GABRB3: variants seen among roughly 807,000 people sequenced by gnomAD.
The protein encoded by GABRB3 is gamma-aminobutyric acid receptor subunit beta-3.
In GABRB3, 14 loss-of-function variants were observed where a neutral mutation model predicts 52.1. That is an observed-to-expected ratio of 0.27 (90% CI 0.18 to 0.42). The LOEUF (loss-of-function observed/expected upper bound fraction) is 0.42. Ranked by LOEUF, GABRB3 falls within the 10% of genes least tolerant of loss-of-function variation. GABRB3 has a pLI of 1.00. For missense variants in GABRB3, 307 were observed against 609.1 expected, an observed-to-expected ratio of 0.50 and a Z score of 5.22; for synonymous variants, 260 against 232.3, an observed-to-expected ratio of 1.12 and a Z score of -1.08.
intron 3 of GABRB3, among the ~76,000 whole-genome samples, chr15:26,741,784 T>A (rs978463689): frequency 2.6e-5 from 4 of 152,120 alleles, no homozygotes; most frequent in African/African-American, 4.8e-5. Flanking sequence ...ATCTTTTTAA[T>A]TTTTTGTAGA....
rs59909240 is a variant in GABRB3 at position 26,560,676 on chromosome 15, G to T, written c.1080+256C>A. On this transcript the variant is annotated intron_variant, in intron 8 of 8. Coordinates refer to ENST00000311550, the MANE Select transcript of GABRB3 (RefSeq NM_000814.6). ...TGGCCAATCCAACAGTCCTCTTTGT[G>T]TAAGCCTACAACCACTGGTTTCAGT... 0.019 allele frequency among the ~76,000 whole-genome samples: 2,817 copies of T among 152,256 alleles called. 112 individuals are homozygous for T. Among genetic ancestry groups the T allele is most frequent in the African/African-American group, 0.064 (2,640 of 41,534 alleles).
intron 4 of GABRB3, among the ~76,000 whole-genome samples, chr15:26,587,816 C>T (rs1566761001): frequency 6.6e-6 from 1 of 152,200 alleles, no homozygotes; most frequent in Admixed American, 6.5e-5. Context: ...TATATTTTCC[C>T]TAATAAATAT....
At chr15:26,630,771 A>G (rs1892890365) in intron 3 of GABRB3, among the ~76,000 whole-genome samples, 1 of 152,208 alleles carries the variant, frequency 6.6e-6, no homozygotes, top group Non-Finnish European at 1.5e-5. Flanking sequence ...AATCTCTCTC[A>G]GTATTGGTGT....
rs370575465 is a variant in GABRB3, at chr15:26,628,198, C to G, written c.241-6664G>C. Among the ~76,000 whole-genome samples, 58 of 152,316 alleles carry G rather than the reference C, an allele frequency of 3.8e-4. No homozygotes were observed. In the South Asian group the frequency reaches 4.6e-3, roughly 12 times the overall value. On this transcript the variant is annotated intron_variant, in intron 3 of 8. Transcript: ENST00000311550. ...CATAACTTTTATATATCTTGGGAAA[C>G]CAAAAAATTTGTGACTCACTTCATG...
intron 3 of GABRB3, among the ~76,000 whole-genome samples, chr15:26,742,517 C>A (rs1461259355): frequency 6.6e-6 from 1 of 152,190 alleles, no homozygotes; most frequent in African/African-American, 2.4e-5. Context: ...TCATACGTGG[C>A]ATGAGATAGA....
chr15:26,559,218 T>C (rs781081850), intron 8 of GABRB3, among the ~76,000 whole-genome samples: 8 of 152,212 alleles, frequency 5.3e-5, no homozygotes, highest in Non-Finnish European at 1.0e-4. Flanking sequence ...TGATAGTCAG[T>C]GACTTCTCAT....
intron 3 of GABRB3, among the ~76,000 whole-genome samples, chr15:26,685,871 C>G (rs148647634): frequency 0.042 from 6,278 of 148,722 alleles, 165 homozygotes; most frequent in Non-Finnish European, 0.063. Flanking sequence ...GTGGTGCAAT[C>G]ATAGCTCACT....
chr15:26,592,253 A>G (rs1891235488), intron 4 of GABRB3, among the ~76,000 whole-genome samples: 1 of 152,214 alleles, frequency 6.6e-6, no homozygotes, highest in African/African-American at 2.4e-5. Flanking sequence ...TAGGCGTAAC[A>G]AATGGATCAC....
chr15:26,661,448 G>A (rs1045223284), intron 3 of GABRB3, among the ~76,000 whole-genome samples: 1 of 152,076 alleles, frequency 6.6e-6, no homozygotes, highest in Admixed American at 6.5e-5. Context: ...CTTTAATTCT[G>A]AGCACCTGTA....
intron 3 of GABRB3, among the ~76,000 whole-genome samples, chr15:26,700,915 C>T (rs1888909368): frequency 6.6e-6 from 1 of 151,966 alleles, no homozygotes; most frequent in African/African-American, 2.4e-5. Context: ...ATTAGCCAGG[C>T]GTGGTGGCGG....
Position 26,621,165 on chromosome 15 carries a change from A to ATTTTT in GABRB3, c.461+144_461+148dup. 1 of 698,838 alleles carries ATTTTT rather than the reference A, an allele frequency of 1.4e-6. No individual in the cohort carries two copies. The highest frequency in any genetic ancestry group is 2.5e-6 in the Non-Finnish European group (1 of 400,042). The allele number at this position is 698,838 out of a possible 1,614,324, so 43.3% of individuals were successfully genotyped here. ...ATGCCCCAAATTTTATGGTTATGAG[A>ATTTTT]TTTTTTTTTCTGCAAAGCTTTAGTG... is the stretch of plus-strand genomic sequence containing the variant. On this transcript the variant is annotated intron_variant, in intron 4 of 8. Transcript: ENST00000311550. This position sits in a 1 kb window ranked among gnomAD's most constrained non-coding sequence, Gnocchi z 4.1.
intron 4 of GABRB3, among the ~76,000 whole-genome samples, chr15:26,594,606 C>T (rs1891328613): frequency 6.6e-6 from 1 of 152,166 alleles, no homozygotes; most frequent in African/African-American, 2.4e-5. Context: ...AGTGACCTTC[C>T]TGTGTTAGCC....
rs1555370530 is a variant in GABRB3, at chr15:26,606,812, A to ATATCGATAGATAGATAGATATATT, written c.461+14501_461+14502insAATATATCTATCTATCTATCGATA. On this transcript the variant is annotated intron_variant, in intron 4 of 8. Transcript: ENST00000311550. ...TCTATAGATAGATATATCTATAGAT[A>ATATCGATAGATAGATAGATATATT]GATAGATAGATAGATAGATAGATAG... Among the ~76,000 whole-genome samples the ATATCGATAGATAGATAGATATATT allele has an allele frequency of 6.3e-3, 476 of 75,508 alleles. 6 individuals carry two copies. Among genetic ancestry groups the ATATCGATAGATAGATAGATATATT allele is most frequent in the South Asian group, 0.038 (68 of 1,796 alleles). The allele number at this position is 75,508 out of a possible 152,430, so 49.5% of individuals were successfully genotyped here.
At chr15:26,772,178 G>A (rs1012550358) in intron 3 of GABRB3, 2 of 464,882 alleles carry the variant, frequency 4.3e-6, no homozygotes, top group African/African-American at 2.1e-5. Context: ...CCCGCAGGAA[G>A]GGTGCGCCCT....
intron 3 of GABRB3, among the ~76,000 whole-genome samples, chr15:26,721,533 G>C (rs1889643967): frequency 6.6e-6 from 1 of 151,854 alleles, no homozygotes; most frequent in Non-Finnish European, 1.5e-5. Context: ...ACCTCTTTGA[G>C]ATGTACTCAT....
At chr15:26,586,021 C>T (rs1029493176) in intron 4 of GABRB3, among the ~76,000 whole-genome samples, 1 of 152,086 alleles carries the variant, frequency 6.6e-6, no homozygotes, top group Admixed American at 6.5e-5. Flanking sequence ...GTTTTTGCTA[C>T]GGAGTCTTGC....
intron 3 of GABRB3, among the ~76,000 whole-genome samples, chr15:26,706,766 C>A (rs1889116566): frequency 6.6e-6 from 1 of 152,174 alleles, no homozygotes; most frequent in African/African-American, 2.4e-5. Context: ...TCCATGTGTT[C>A]ATGTATTCAT....
intron 3 of GABRB3, among the ~76,000 whole-genome samples, chr15:26,644,939 C>T (rs149593613): frequency 7.9e-5 from 12 of 152,312 alleles, no homozygotes; most frequent in Admixed American, 2.6e-4. Flanking sequence ...AAATGAAAAA[C>T]ACTTGCAATG....
intron 3 of GABRB3, among the ~76,000 whole-genome samples, chr15:26,741,372 A>G (rs1316695067): frequency 6.6e-6 from 1 of 152,326 alleles, no homozygotes. Context: ...CATCACAGTC[A>G]TCACAGTCTG....
Sources: allele counts gnomAD v4.1 joint callset (sites outside exome capture counted in the v4.1 genomes callset), GRCh38; gene constraint gnomAD v4.1.1; non-coding constraint Gnocchi (gnomAD v3.1); transcripts MANE v1.5; gene names NCBI Gene and HGNC (gene_info 2026-07-23, HGNC 2026-07-21).